The following AHCYL2 variants were observed in gnomAD, a reference collection of about 807,000 sequenced individuals.
The protein encoded by AHCYL2 is adenosylhomocysteinase like 2.
Under a neutral mutation model 81.4 loss-of-function variants are expected in AHCYL2, and 28 were observed. The ratio of observed to expected loss-of-function variants is 0.34; its 90% CI spans 0.25 to 0.47. The LOEUF is 0.47. Ranked by LOEUF, AHCYL2 falls within the 20% of genes least tolerant of loss-of-function variation. The pLI is 1.00. For synonymous variants in AHCYL2, 272 were observed against 290.2 expected (o/e 0.94, Z 0.64); for missense variants, 551 against 785.1 (o/e 0.70, Z 3.56).
At chr7:129,234,559 A>G (rs1794572939) in intron 1 of AHCYL2, among the ~76,000 whole-genome samples, 2 of 152,050 alleles carry the variant, frequency 1.3e-5, no homozygotes, top group Admixed American at 6.6e-5. Context: ...GTCTCTTGCT[A>G]TGTTGCCTAG....
At chr7:129,415,211 A>G (rs992727606) in intron 12 of AHCYL2, among the ~76,000 whole-genome samples, 1 of 152,222 alleles carries the variant, frequency 6.6e-6, no homozygotes, top group African/African-American at 2.4e-5. Flanking sequence ...TGATCCAGCA[A>G]ATGATTCTCA....
At chr7:129,299,381 T>TTTTTTG (rs1797175354) in intron 1 of AHCYL2, among the ~76,000 whole-genome samples, 1 of 37,586 alleles carries the variant, frequency 2.7e-5, no homozygotes, top group Non-Finnish European at 4.6e-5. Context: ...TTTTTTTTTT[T>TTTTTTG]TTTTTTTTTT....
At chr7:129,280,492 T>C (rs1796396183) in intron 1 of AHCYL2, among the ~76,000 whole-genome samples, 1 of 152,150 alleles carries the variant, frequency 6.6e-6, no homozygotes, top group Admixed American at 6.5e-5. Context: ...ATTCTTGTTT[T>C]AGTTCTAGTA....
At chr7:129,403,996 A>G (rs1360957900) in intron 7 of AHCYL2, among the ~76,000 whole-genome samples, 1 of 151,230 alleles carries the variant, frequency 6.6e-6, no homozygotes, top group Non-Finnish European at 1.5e-5. Flanking sequence ...TTTTTAATTA[A>G]CAACACAAAT....
intron 1 of AHCYL2, among the ~76,000 whole-genome samples, chr7:129,256,549 A>ACACCCC (rs1213535960): frequency 7.8e-5 from 5 of 63,750 alleles, no homozygotes; most frequent in African/African-American, 3.4e-4. Flanking sequence ...CCCACCCCCC[A>ACACCCC]CCCCCCCCCC....
intron 1 of AHCYL2, among the ~76,000 whole-genome samples, chr7:129,315,956 G>T (rs1344777351): frequency 6.6e-6 from 1 of 152,206 alleles, no homozygotes; most frequent in East Asian, 1.9e-4. Flanking sequence ...AGAGGCGGAA[G>T]AGGAGATGCA....
At chr7:129,356,535 CT>C (rs2150836835) in intron 1 of AHCYL2, among the ~76,000 whole-genome samples, 1 of 152,142 alleles carries the variant, frequency 6.6e-6, no homozygotes, top group African/African-American at 2.4e-5. Flanking sequence ...GTGTCTATTC[CT>C]TTTTTCCCTT....
At chr7:129,287,923 C>T (rs956500501) in intron 1 of AHCYL2, among the ~76,000 whole-genome samples, 1 of 152,196 alleles carries the variant, frequency 6.6e-6, no homozygotes, top group African/African-American at 2.4e-5. Context: ...ACCATCCACT[C>T]CCTGGATTAT....
intron 1 of AHCYL2, among the ~76,000 whole-genome samples, chr7:129,295,635 T>C (rs1797026848): frequency 6.6e-6 from 1 of 152,214 alleles, no homozygotes; most frequent in Admixed American, 6.5e-5. Context: ...ATACAGTAGG[T>C]GTGCAGTAAG....
intron 1 of AHCYL2, among the ~76,000 whole-genome samples, chr7:129,280,177 A>T (rs368856207): frequency 7.8e-4 from 12 of 15,420 alleles, no homozygotes; most frequent in South Asian, 5.8e-3. Flanking sequence ...TTTGCTAAAT[A>T]CTTTTTTTTT....
chr7:129,235,457 G>A (rs1455991080), intron 1 of AHCYL2, among the ~76,000 whole-genome samples: 2 of 151,760 alleles, frequency 1.3e-5, no homozygotes, highest in Non-Finnish European at 2.9e-5. Flanking sequence ...GGGTCTCACT[G>A]TGTCACCCAG....
intron 1 of AHCYL2, among the ~76,000 whole-genome samples, chr7:129,234,393 C>T (rs188258975): frequency 4.6e-5 from 7 of 152,140 alleles, no homozygotes; most frequent in East Asian, 3.9e-4. Context: ...TACAGGCATC[C>T]GCCACTGTGC....
In AHCYL2 at chr7:129,368,339, G is replaced by A. The variant is rs1563215151; in HGVS notation, c.364-11299G>A. The A allele has an allele frequency of 8.2e-6, 12 of 1,459,808 alleles. No homozygotes were observed. In the South Asian group the frequency reaches 8.9e-5, roughly 11 times the overall value. 90.4% of individuals were successfully genotyped at this position (1,459,808 alleles called of 1,614,324 possible). ...TTGACTAATGCTCTTGATTTGAATC[G>A]GAGGCTGCTGTGAAAAGGGATGCAG... is the stretch of plus-strand genomic sequence containing the variant. On this transcript the variant is annotated intron_variant, in intron 1 of 16. Coordinates refer to ENST00000325006, the MANE Select transcript of AHCYL2 (RefSeq NM_015328.4). The surrounding 1 kb of genome is among the most constrained non-coding windows in gnomAD (Gnocchi z 4.4).
At chr7:129,350,792 A>C (rs9649533) in intron 1 of AHCYL2, among the ~76,000 whole-genome samples, 149,684 of 149,984 alleles carry the variant, frequency 1, 74,693 homozygotes, top group Middle Eastern at 1. Flanking sequence ...CAATCTCTGT[A>C]TCCCAGGTTC....
intron 2 of AHCYL2, 56 bp from the exon 3 acceptor site, chr7:129,389,000 G>C: frequency 6.3e-7 from 1 of 1,588,996 alleles, no homozygotes; most frequent in Non-Finnish European, 8.5e-7. Flanking sequence ...CCATGGTTTG[G>C]AATTTTAGAG....
intron 1 of AHCYL2, among the ~76,000 whole-genome samples, chr7:129,280,705 T>C (rs1273281781): frequency 2.6e-5 from 4 of 152,054 alleles, no homozygotes; most frequent in African/African-American, 4.8e-5. Flanking sequence ...TGTTTTTTTT[T>C]TAGATCCCCT....
At chr7:129,286,541 A>G (rs1266343870) in intron 1 of AHCYL2, among the ~76,000 whole-genome samples, 2 of 152,020 alleles carry the variant, frequency 1.3e-5, no homozygotes, top group Non-Finnish European at 2.9e-5. Context: ...GCTCACTACA[A>G]CCTCCACCTC....
intron 1 of AHCYL2, chr7:129,375,603 G>GA (rs35756110): frequency 2.3e-6 from 3 of 1,315,902 alleles, no homozygotes; most frequent in East Asian, 3.1e-5. Context: ...AGGTGTTTAG[G>GA]AAAAAAACAA....
At chr7:129,311,079 G>T (rs1292476383) in intron 1 of AHCYL2, among the ~76,000 whole-genome samples, 1 of 151,092 alleles carries the variant, frequency 6.6e-6, no homozygotes, top group Non-Finnish European at 1.5e-5. Flanking sequence ...CTGCACTCCA[G>T]CCTGGGCAAG....
Sources: allele counts gnomAD v4.1 joint callset (sites outside exome capture counted in the v4.1 genomes callset), GRCh38; gene constraint gnomAD v4.1.1; non-coding constraint Gnocchi (gnomAD v3.1); transcripts MANE v1.5; gene names NCBI Gene and HGNC (gene_info 2026-07-23, HGNC 2026-07-21).